CFAP77: variants seen among roughly 807,000 people sequenced by gnomAD.
CFAP77 encodes the protein cilia and flagella associated protein 77.
CFAP77 carries 25 observed loss-of-function variants against 31.1 expected under a neutral mutation model. That is an observed-to-expected ratio of 0.80 (90% CI 0.59 to 1.12). The LOEUF is 1.12. Among genes scored for constraint, CFAP77 ranks in the 50% most tolerant of loss-of-function variants. The probability of loss-of-function intolerance (pLI) is 0.00; values close to 1 mark genes in which losing one functional copy is unlikely to be tolerated. For synonymous variants in CFAP77, 151 were observed against 159.9 expected (o/e 0.94, Z 0.42); for missense variants, 377 against 397.3 (o/e 0.95, Z 0.44).
intron 1 of CFAP77, among the ~76,000 whole-genome samples, chr9:132,427,951 A>G (rs1850344807): frequency 6.6e-6 from 1 of 151,828 alleles, no homozygotes; most frequent in Non-Finnish European, 1.5e-5. Flanking sequence ...AACCTCTAAC[A>G]TTCTCCATTG....
chr9:132,471,352 G>A (rs950640428), intron 1 of CFAP77, among the ~76,000 whole-genome samples: 2 of 152,246 alleles, frequency 1.3e-5, no homozygotes, highest in Non-Finnish European at 2.9e-5. Context: ...GAGCCCCAGA[G>A]CCTCAGAGTC....
At chr9:132,567,762 C>T (rs1829902858) in intron 5 of CFAP77, among the ~76,000 whole-genome samples, 2 of 152,190 alleles carry the variant, frequency 1.3e-5, no homozygotes, top group South Asian at 4.1e-4. Context: ...ACAATCCTCC[C>T]TGCCTCCTCC....
intron 1 of CFAP77, among the ~76,000 whole-genome samples, chr9:132,415,738 A>G (rs1485068165): frequency 6.6e-6 from 1 of 152,048 alleles, no homozygotes; most frequent in Non-Finnish European, 1.5e-5. Context: ...CCTTATTTTG[A>G]AAGACAAAGT....
chr9:132,471,502 T>C (rs555395461), intron 1 of CFAP77, among the ~76,000 whole-genome samples: 1 of 151,854 alleles, frequency 6.6e-6, no homozygotes, highest in African/African-American at 2.4e-5. Context: ...CCTCAGGTCC[T>C]GCACAGACTT....
chr9:132,532,525 TG>T (rs1852470941), intron 3 of CFAP77, among the ~76,000 whole-genome samples: 1 of 152,122 alleles, frequency 6.6e-6, no homozygotes. Flanking sequence ...GTTTTTTGAA[TG>T]GAAAAAATTT....
chr9:132,470,679 T>C (rs1000885297), intron 1 of CFAP77, among the ~76,000 whole-genome samples: 1 of 152,240 alleles, frequency 6.6e-6, no homozygotes. Flanking sequence ...CATCGCAGGC[T>C]CTGGGCATGT....
In CFAP77 at chr9:132,493,695, C is replaced by T. The variant is rs865805297; in HGVS notation, c.196-5000C>T. On this transcript the variant is annotated intron_variant, in intron 1 of 5. Transcript: ENST00000393216. Reference sequence around the variant, plus strand: ...CACTCCTGACTTCTAAACCCAGAGACGAGTTCTGCTGGTGTCTGGCTGCAT... The same window carrying T: ...CACTCCTGACTTCTAAACCCAGAGATGAGTTCTGCTGGTGTCTGGCTGCAT... Among the ~76,000 whole-genome samples, 12 of 152,336 alleles carry T rather than the reference C, an allele frequency of 7.9e-5. No homozygotes were observed. In the South Asian group the frequency reaches 1.2e-3, roughly 16 times the overall value.
chr9:132,427,011 T>G (rs1299460799), intron 1 of CFAP77, among the ~76,000 whole-genome samples: 1 of 152,216 alleles, frequency 6.6e-6, no homozygotes, highest in Non-Finnish European at 1.5e-5. Context: ...GTGATCATTA[T>G]GTGGTTATTA....
chr9:132,551,288 T>G (rs1166862816), intron 5 of CFAP77, among the ~76,000 whole-genome samples: 1 of 151,198 alleles, frequency 6.6e-6, no homozygotes, highest in East Asian at 1.9e-4. Context: ...TGCCCTTTTT[T>G]TTTTTTTTAA....
intron 1 of CFAP77, among the ~76,000 whole-genome samples, chr9:132,416,329 ATTTTTTTTTTTT>A (rs71503303): frequency 3.3e-5 from 2 of 60,274 alleles, no homozygotes; most frequent in East Asian, 4.3e-4. Context: ...TTCTTATCTG[ATTTTTTTTTTTT>A]TTTTTTTTTT....
intron 1 of CFAP77, among the ~76,000 whole-genome samples, chr9:132,437,379 C>A (rs532386171): frequency 6.6e-6 from 1 of 152,074 alleles, no homozygotes; most frequent in South Asian, 2.1e-4. Flanking sequence ...ATTACGGGTT[C>A]AAACTCGACG....
intron 1 of CFAP77, among the ~76,000 whole-genome samples, chr9:132,466,095 C>T (rs1489841803): frequency 6.6e-6 from 1 of 152,108 alleles, no homozygotes; most frequent in African/African-American, 2.4e-5. Context: ...GACATGAGCA[C>T]TTTTTTTTAA....
At chr9:132,442,167 T>A (rs1850625585) in intron 1 of CFAP77, among the ~76,000 whole-genome samples, 1 of 152,100 alleles carries the variant, frequency 6.6e-6, no homozygotes, top group Admixed American at 6.6e-5. Flanking sequence ...GAACAAGGAA[T>A]TGCAGTGGGG....
intron 4 of CFAP77, among the ~76,000 whole-genome samples, chr9:132,542,691 G>A (rs906087115): frequency 2.6e-5 from 4 of 152,232 alleles, no homozygotes; most frequent in African/African-American, 9.6e-5. Flanking sequence ...AATCCCACAT[G>A]TTCCAGAGAC....
intron 1 of CFAP77, among the ~76,000 whole-genome samples, chr9:132,428,829 G>A (rs1029987450): frequency 8.6e-5 from 13 of 151,858 alleles, no homozygotes; most frequent in African/African-American, 1.9e-4. Flanking sequence ...CCTGCTCTGC[G>A]TACACTGGCA....
intron 3 of CFAP77, among the ~76,000 whole-genome samples, chr9:132,507,414 A>G (rs1851950313): frequency 6.6e-6 from 1 of 152,230 alleles, no homozygotes; most frequent in South Asian, 2.1e-4. Context: ...CCTTCAGACC[A>G]TGGAAACATA....
intron 1 of CFAP77, among the ~76,000 whole-genome samples, chr9:132,428,156 T>C (rs1850347665): frequency 6.6e-6 from 1 of 151,240 alleles, no homozygotes; most frequent in South Asian, 2.1e-4. Context: ...TATGCCATCA[T>C]GCCCAGCTAA....
chr9:132,438,776 C>A (rs990864936), intron 1 of CFAP77, among the ~76,000 whole-genome samples: 3 of 151,694 alleles, frequency 2.0e-5, no homozygotes, highest in Non-Finnish European at 4.4e-5. Flanking sequence ...CTCAAGTGAT[C>A]CACCCATCTC....
intron 1 of CFAP77, among the ~76,000 whole-genome samples, chr9:132,483,645 TC>T (rs149731258): frequency 0.077 from 11,721 of 152,118 alleles, 540 homozygotes; most frequent in Non-Finnish European, 0.12. Context: ...CAGACATGCT[TC>T]CCCAGCTCCC....
Sources: gnomAD v4.1 joint callset for allele counts (sites outside exome capture counted in the v4.1 genomes callset) on GRCh38, gnomAD v4.1.1 for gene constraint, MANE v1.5 for transcripts, NCBI Gene and HGNC (gene_info 2026-07-23, HGNC 2026-07-21) for gene names.